Variants in SGCD observed in about 807,000 individuals in gnomAD.
SGCD encodes delta-sarcoglycan.
SGCD carries 18 observed loss-of-function variants against 36.6 expected under a neutral mutation model. That is an observed-to-expected ratio of 0.49 (90% CI 0.34 to 0.73). The LOEUF (loss-of-function observed/expected upper bound fraction) is 0.73. SGCD is among the 30% of genes least tolerant of loss of function. The pLI, the probability that SGCD is intolerant of heterozygous loss-of-function variation, is 0.01. For missense variants in SGCD, 387 were observed against 346.7 expected, an observed-to-expected ratio of 1.12 and a Z score of -0.92; for synonymous variants, 133 against 130.6, an observed-to-expected ratio of 1.02 and a Z score of -0.12.
At chr5:156,395,922 G>A (rs1246751360) in intron 3 of SGCD, among the ~76,000 whole-genome samples, 1 of 152,178 alleles carries the variant, frequency 6.6e-6, no homozygotes, top group Non-Finnish European at 1.5e-5. Flanking sequence ...ATCCTACTTA[G>A]TTATGACTGT....
At chr5:155,812,750 A>G in the SGCD span, among the ~76,000 whole-genome samples, 1 of 152,184 alleles carries the variant, frequency 6.6e-6, no homozygotes, top group Non-Finnish European at 1.5e-5. Flanking sequence ...CAGCCTGTTT[A>G]CACTCATTAT....
At chr5:155,905,250 G>T (rs918458676) in intron 1 of SGCD, among the ~76,000 whole-genome samples, 1 of 152,144 alleles carries the variant, frequency 6.6e-6, no homozygotes, top group African/African-American at 2.4e-5. Flanking sequence ...ACACTGAATG[G>T]ATTAAAGAAA....
intron 3 of SGCD, among the ~76,000 whole-genome samples, chr5:156,296,289 G>A (rs1220967689): frequency 6.6e-6 from 1 of 152,192 alleles, no homozygotes; most frequent in Non-Finnish European, 1.5e-5. Context: ...TTGAGGAACT[G>A]GAAGGAGGCA....
At position 155,934,038 on chromosome 5, in the gene SGCD, C is replaced by T. The variant is rs143431900; in HGVS notation, c.-282+63614C>T. Among the ~76,000 whole-genome samples the T allele has an allele frequency of 6.7e-3, 1,024 of 152,282 alleles. 9 individuals are homozygous for T. Among genetic ancestry groups the T allele is most frequent in the Middle Eastern group, 0.017 (5 of 294 alleles). On this transcript the variant is annotated intron_variant, in intron 1 of 9. Coordinates refer to the SGCD transcript ENST00000517913. ...CATCTCCTATTGTTTTCTGTCTTTA[C>T]ATGGTACTCATCAAAATTCAAATTT...
intron 6 of SGCD, among the ~76,000 whole-genome samples, chr5:156,623,067 G>T (rs756590415): frequency 3.3e-5 from 5 of 151,930 alleles, no homozygotes; most frequent in Non-Finnish European, 7.4e-5. Flanking sequence ...TATGTATATA[G>T]TATACATATA....
intron 1 of SGCD, among the ~76,000 whole-genome samples, chr5:155,945,182 A>G (rs1757415086): frequency 2.0e-5 from 3 of 152,258 alleles, no homozygotes; most frequent in Admixed American, 2.0e-4. Flanking sequence ...GATACATTCA[A>G]GCAGAGTTTG....
At chr5:156,154,242 A>G (rs1233348775) in intron 3 of SGCD, among the ~76,000 whole-genome samples, 1 of 151,550 alleles carries the variant, frequency 6.6e-6, no homozygotes, top group African/African-American at 2.4e-5. Context: ...CCAAGGAGGA[A>G]TGCAGTTAAG....
chr5:156,210,556 T>C (rs1039930806), intron 3 of SGCD, among the ~76,000 whole-genome samples: 1 of 151,644 alleles, frequency 6.6e-6, no homozygotes, highest in Non-Finnish European at 1.5e-5. Flanking sequence ...AGAGAAACAG[T>C]TTAATGAAAT....
At chr5:156,370,500 T>C (rs1358456298) in intron 3 of SGCD, among the ~76,000 whole-genome samples, 1 of 152,182 alleles carries the variant, frequency 6.6e-6, no homozygotes, top group Admixed American at 6.5e-5. Context: ...TTTTCAGAGT[T>C]TGTACATGAA....
intron 3 of SGCD, among the ~76,000 whole-genome samples, chr5:156,213,878 C>T (rs2127642277): frequency 6.6e-6 from 1 of 152,014 alleles, no homozygotes; most frequent in African/African-American, 2.4e-5. Context: ...CTATGATCAT[C>T]TCGATAGATT....
At chr5:156,601,872 C>G (rs56770494) in intron 6 of SGCD, among the ~76,000 whole-genome samples, 2 of 151,926 alleles carry the variant, frequency 1.3e-5, no homozygotes, top group African/African-American at 4.8e-5. Context: ...TTAGTAGAGA[C>G]GGGTTTCACC....
intron 7 of SGCD, among the ~76,000 whole-genome samples, chr5:156,698,502 C>T (rs1469004889): frequency 6.6e-6 from 1 of 152,178 alleles, no homozygotes; most frequent in Non-Finnish European, 1.5e-5. Context: ...GGCCACATGG[C>T]CCAACCTGCT....
chr5:156,170,532 C>T (rs553928729), intron 3 of SGCD, among the ~76,000 whole-genome samples: 82 of 152,258 alleles, frequency 5.4e-4, no homozygotes, highest in African/African-American at 1.9e-3. Context: ...CACTTGTCAC[C>T]ACTTGTCCAG....
intron 4 of SGCD, among the ~76,000 whole-genome samples, chr5:156,585,940 A>T (rs1760473336): frequency 6.6e-6 from 1 of 152,192 alleles, no homozygotes. Context: ...ATTTCTATAC[A>T]TCCCAAACTC....
intron 7 of SGCD, among the ~76,000 whole-genome samples, chr5:156,694,778 G>T (rs1270122137): frequency 6.6e-6 from 1 of 151,936 alleles, no homozygotes; most frequent in Non-Finnish European, 1.5e-5. Context: ...AGGCCCGTCT[G>T]GTTTTCCCAC....
chr5:156,670,048 G>C lies in SGCD; in HGVS notation c.575+22512G>C, dbSNP rs149155328. 2.0e-3 allele frequency among the ~76,000 whole-genome samples: 297 copies of C among 152,064 alleles called. 1 individual carries two copies. The highest frequency in any genetic ancestry group is 6.7e-3 in the African/African-American group (280 of 41,488). On this transcript the variant is annotated intron_variant, in intron 7 of 8. Transcript: ENST00000337851. The stretch of plus-strand genomic sequence containing the variant: ...CCCGTTTTCACCTGAATTTGAGAGG[G>C]GCAATGTGACTACATCATTCTCATC...
At chr5:155,847,106 C>T in the SGCD span, among the ~76,000 whole-genome samples, 208 of 152,250 alleles carry the variant, frequency 1.4e-3, 2 homozygotes, top group African/African-American at 4.5e-3. Context: ...TCCCAATGCC[C>T]GGGCCATGTG....
At chr5:155,921,626 G>GA (rs1230345877) in intron 1 of SGCD, among the ~76,000 whole-genome samples, 2 of 152,092 alleles carry the variant, frequency 1.3e-5, no homozygotes, top group African/African-American at 4.8e-5. Context: ...AAACACAAAT[G>GA]GGATGTGAAG....
At chr5:155,994,770 G>T (rs559993025) in intron 1 of SGCD, among the ~76,000 whole-genome samples, 2 of 152,236 alleles carry the variant, frequency 1.3e-5, no homozygotes, top group African/African-American at 4.8e-5. Flanking sequence ...AGGGTCTTTT[G>T]GTCTGATAGA....
Sources: gnomAD v4.1 joint callset for allele counts (sites outside exome capture counted in the v4.1 genomes callset) on GRCh38, gnomAD v4.1.1 for gene constraint, MANE v1.5 for transcripts, NCBI Gene and HGNC (gene_info 2026-07-23, HGNC 2026-07-21) for gene names.